ODR4: variants seen among roughly 807,000 people sequenced by gnomAD.
ODR4 encodes the protein odr-4 GPCR localization factor homolog, also known as protein odr-4 homolog.
In ODR4, 47 loss-of-function variants were observed where a neutral mutation model predicts 60.2. The observed-to-expected ratio is 0.78, with a 90% CI of 0.62 to 1.00. ODR4 has a LOEUF of 1.00. Ranked by LOEUF, ODR4 falls within the 50% of genes least tolerant of loss-of-function variation. ODR4 has a pLI of 0.00. For missense variants in ODR4, 488 were observed against 530.8 expected, an observed-to-expected ratio of 0.92 and a Z score of 0.79; for synonymous variants, 178 against 175.5, an observed-to-expected ratio of 1.01 and a Z score of -0.11.
At chr1:186,376,953 T>C (rs1659798668) in intron 1 of ODR4, among the ~76,000 whole-genome samples, 1 of 152,184 alleles carries the variant, frequency 6.6e-6, no homozygotes, top group South Asian at 2.1e-4. Context: ...TTGGCTGATA[T>C]ACAACATTTC....
At chr1:186,417,385 C>A in intron 12 of ODR4, 159 bp from the exon 13 acceptor site, 1 of 595,462 alleles carries the variant, frequency 1.7e-6, no homozygotes, top group Non-Finnish European at 3.0e-6. Context: ...AAATTTAATT[C>A]ACCTACAATT....
At chr1:186,430,060 A>G in the ODR4 span, among the ~76,000 whole-genome samples, 15 of 152,206 alleles carry the variant, frequency 9.9e-5, no homozygotes, top group Admixed American at 7.8e-4. Context: ...TTGGATTTTT[A>G]TAACAGTTTT....
chr1:186,402,187 A>ATTCTTTCTTTCTTTCTTTAT (rs1660991059), intron 11 of ODR4, among the ~76,000 whole-genome samples: 1 of 135,424 alleles, frequency 7.4e-6, no homozygotes, highest in Non-Finnish European at 1.6e-5. Flanking sequence ...TAGGCATCCT[A>ATTCTTTCTTTCTTTCTTTAT]TTCTTTCTTT....
rs141155244 is a variant in ODR4 at position 186,410,655 on chromosome 1, A to T, written c.1186+4387A>T. Among the ~76,000 whole-genome samples the T allele has an allele frequency of 3.0e-4, 45 of 152,338 alleles. No homozygotes were observed. In the East Asian group the frequency reaches 8.7e-3, roughly 29 times the overall value. On this transcript the variant is annotated intron_variant, in intron 12 of 13. Transcript: ENST00000287859. ...TTGGTTAATAATTTAATCAGAAAAAAGTCTCTATTATAGGCATTAGCAGTA... is the reference window on the plus strand; with the variant it reads ...TTGGTTAATAATTTAATCAGAAAAATGTCTCTATTATAGGCATTAGCAGTA...
At chr1:186,400,523 A>C (rs879801745) in intron 11 of ODR4, 1 of 142,550 alleles carries the variant, frequency 7.0e-6, no homozygotes, top group Non-Finnish European at 1.5e-5. Flanking sequence ...CAGATGATCC[A>C]CCCACCTCGG....
the ODR4 span, among the ~76,000 whole-genome samples, chr1:186,431,102 C>G: frequency 6.9e-4 from 105 of 152,232 alleles, no homozygotes; most frequent in African/African-American, 2.5e-3. Flanking sequence ...AGGAACACCT[C>G]TTCTAGCATA....
intron 3 of ODR4, 90 bp downstream of exon 3, chr1:186,383,246 A>T: frequency 7.4e-7 from 1 of 1,355,796 alleles, no homozygotes; most frequent in Non-Finnish European, 9.9e-7. Context: ...GAGAGAAGAG[A>T]CATAGGGAGA....
chr1:186,421,410 A>G (rs1201775351), downstream of ODR4: 2 of 152,216 alleles, frequency 1.3e-5, no homozygotes, highest in Non-Finnish European at 2.9e-5. Context: ...TATAATTGTA[A>G]AATTGGATAA....
Position 186,391,716 on chromosome 1 carries a change from C to T in ODR4, c.636C>T (p.Ala212=). The T allele has an allele frequency of 1.2e-6, 2 of 1,601,666 alleles. No homozygotes were observed. The highest frequency in any genetic ancestry group is 1.7e-6 in the Non-Finnish European group (2 of 1,173,720). ...KNTKNGLTRW[A]KEIENGVYLI... is the part of the protein sequence containing the mutation. ...TTAAGAATGGACTTACACGCTGGGC[C>T]AAGGAAATAGAAAATGGTGTTTATT... The change falls in exon 8 of 14, where the codon GCC becomes GCT. Residue 212 remains alanine (A), a synonymous_variant. Coordinates refer to ENST00000287859, the MANE Select transcript of ODR4 (RefSeq NM_017847.6).
chr1:186,425,199 CA>C (rs569526996), downstream of ODR4, among the ~76,000 whole-genome samples: 38 of 152,226 alleles, frequency 2.5e-4, no homozygotes, highest in African/African-American at 8.2e-4. Flanking sequence ...AAACCAGTTT[CA>C]GTAACATATG....
chr1:186,417,435 A>G (rs981951575), intron 12 of ODR4, 109 bp from the exon 13 acceptor site: 3 of 684,374 alleles, frequency 4.4e-6, no homozygotes. Context: ...AAAAACAAGT[A>G]GAAAGAAAAT....
chr1:186,392,901 G>C (rs763587603), intron 8 of ODR4, among the ~76,000 whole-genome samples: 1 of 152,156 alleles, frequency 6.6e-6, no homozygotes, highest in Admixed American at 6.5e-5. Flanking sequence ...GCTACTCGGG[G>C]TGCTGAGGCA....
chr1:186,406,041 A>C, intron 11 of ODR4, 42 bp from the exon 12 acceptor site: 1 of 1,370,156 alleles, frequency 7.3e-7, no homozygotes, highest in East Asian at 2.5e-5. Flanking sequence ...GATACCAGTG[A>C]CAAACCTATC....
At chr1:186,434,532 G>T in the ODR4 span, among the ~76,000 whole-genome samples, 1 of 152,060 alleles carries the variant, frequency 6.6e-6, no homozygotes. Flanking sequence ...CCAAATGGAG[G>T]TTTAAAAGTC....
In ODR4 at chr1:186,421,158, ATCC is replaced by A. The variant is rs1393903281; in HGVS notation, c.*2085_*2087del. 6.6e-6 allele frequency: 1 copy of A among 152,232 alleles called. No homozygotes were observed. The highest frequency in any genetic ancestry group is 1.5e-5 in the Non-Finnish European group (1 of 68,038). 9.4% of individuals were successfully genotyped at this position (152,232 alleles called of 1,614,324 possible). Reference sequence around the variant, plus strand: ...GATGCTCAGATGAAAAACAGATGTTATCCTCAGCACAAATTCAGTAAAGAGACT... The same window carrying A: ...GATGCTCAGATGAAAAACAGATGTTATCAGCACAAATTCAGTAAAGAGACT... On this transcript the variant is annotated 3_prime_UTR_variant, in exon 14 of 14. Coordinates refer to ENST00000287859, the MANE Select transcript of ODR4 (RefSeq NM_017847.6).
chr1:186,430,245 T>C, the ODR4 span, among the ~76,000 whole-genome samples: 6 of 152,116 alleles, frequency 3.9e-5, no homozygotes, highest in Non-Finnish European at 5.9e-5. Flanking sequence ...TGTAAAAATA[T>C]AGGTATTTTA....
intron 12 of ODR4, among the ~76,000 whole-genome samples, chr1:186,407,078 A>G (rs999887876): frequency 3.3e-5 from 5 of 152,238 alleles, no homozygotes; most frequent in African/African-American, 1.2e-4. Context: ...AACTGCCTCA[A>G]GTTAGTTGCA....
At position 186,398,335 on chromosome 1, in the gene ODR4, C is replaced by A. The variant is rs528590496; in HGVS notation, c.803C>A (p.Ser268Tyr). Residue 268 changes from serine (S) to tyrosine (Y), a missense_variant, in exon 10 of 14, where the codon TCC (serine) becomes TAC (tyrosine). By Grantham distance (144) the Ser-to-Tyr change is moderately radical. Coordinates refer to ENST00000287859, the MANE Select transcript of ODR4 (RefSeq NM_017847.6). ...TQLLLNSDHRSTATVQICSGS... is the reference protein window; with the variant it reads ...TQLLLNSDHRYTATVQICSGS... ...CAGCTCCTGAATTCAGACCACAGAT[C>A]CACAGCCACAGTCCAGATATGTAGC... is the stretch of plus-strand genomic sequence containing the variant. 1.9e-4 allele frequency: 300 copies of A among 1,602,048 alleles called. 3 individuals are homozygous for A. In the South Asian group the frequency reaches 3.1e-3, roughly 16 times the overall value.
At chr1:186,402,186 T>TTTTCTTTCTTTCTTTC (rs777903676) in intron 11 of ODR4, among the ~76,000 whole-genome samples, 12,361 of 91,378 alleles carry the variant, frequency 0.14, 773 homozygotes, top group Middle Eastern at 0.19. Context: ...ATAGGCATCC[T>TTTTCTTTCTTTCTTTC]ATTCTTTCTT....
Sources: gnomAD v4.1 joint callset for allele counts (sites outside exome capture counted in the v4.1 genomes callset) on GRCh38, gnomAD v4.1.1 for gene constraint, MANE v1.5 for transcripts, NCBI Gene and HGNC (gene_info 2026-07-23, HGNC 2026-07-21) for gene names.